Variants in CRHR1 observed in about 807,000 individuals in gnomAD.
The protein encoded by CRHR1 is corticotropin releasing hormone receptor 1.
CRHR1 carries 28 observed loss-of-function variants against 56.0 expected under a neutral mutation model. The ratio of observed to expected loss-of-function variants is 0.50; its 90% confidence interval spans 0.37 to 0.69. The LOEUF is 0.69. Among genes scored for constraint, CRHR1 ranks in the 30% least tolerant of loss-of-function variants. CRHR1 has a pLI of 0.00. For missense variants in CRHR1, 376 were observed against 548.0 expected, an observed-to-expected ratio of 0.69 and a Z score of 3.13; for synonymous variants, 195 against 216.5, an observed-to-expected ratio of 0.90 and a Z score of 0.87.
At chr17:45,788,182 C>T (rs995410584) in intron 1 of CRHR1, among the ~76,000 whole-genome samples, 2 of 152,182 alleles carry the variant, frequency 1.3e-5, no homozygotes, top group Non-Finnish European at 1.5e-5. Context: ...AGTTAGGTGC[C>T]GGGCTGATAA....
intron 3 of CRHR1, among the ~76,000 whole-genome samples, chr17:45,817,297 C>T (rs969379177): frequency 2.0e-5 from 3 of 152,236 alleles, no homozygotes; most frequent in African/African-American, 7.2e-5. Flanking sequence ...ATCAAGAGAG[C>T]AACAGCTGTG....
At chr17:45,833,085 C>T in intron 8 of CRHR1, 53 bp from the exon 9 acceptor site, 1 of 1,490,354 alleles carries the variant, frequency 6.7e-7, no homozygotes, top group Non-Finnish European at 9.4e-7. Context: ...CTCCCCATGC[C>T]ATCGAGGTGG....
chr17:45,804,939 C>T (rs968862573), intron 1 of CRHR1, among the ~76,000 whole-genome samples: 21 of 151,950 alleles, frequency 1.4e-4, no homozygotes, highest in African/African-American at 5.1e-4. Flanking sequence ...CTCAGCCTCC[C>T]GAATAGCTGG....
intron 4 of CRHR1, chr17:45,827,162 T>C (rs62057153): frequency 0.14 from 21,839 of 152,362 alleles, 2,142 homozygotes; most frequent in Middle Eastern, 0.22. Flanking sequence ...AAAGCAGTAG[T>C]GTCTGCAGAG....
At chr17:45,808,190 G>A (rs1014688248) in intron 2 of CRHR1, among the ~76,000 whole-genome samples, 3 of 152,234 alleles carry the variant, frequency 2.0e-5, no homozygotes, top group Admixed American at 6.5e-5. Context: ...ATGCATGTGC[G>A]ATGAGGCAGA....
At chr17:45,829,710 G>A in intron 5 of CRHR1, 2 of 1,465,056 alleles carry the variant, frequency 1.4e-6, no homozygotes, top group Non-Finnish European at 1.9e-6. Context: ...GGGGATGGTT[G>A]GGATCAGGAG....
intron 10 of CRHR1, 21 bp from the exon 11 acceptor site, chr17:45,833,693 T>TGGGGGGGGGGGCC: frequency 1.7e-5 from 27 of 1,571,580 alleles, no homozygotes; most frequent in Non-Finnish European, 2.3e-5. Flanking sequence ...ACTCCGAGCC[T>TGGGGGGGGGGGCC]CCCCACCCGC....
chr17:45,794,098 G>C (rs1487704515), intron 1 of CRHR1, among the ~76,000 whole-genome samples: 1 of 152,210 alleles, frequency 6.6e-6, no homozygotes, highest in Non-Finnish European at 1.5e-5. Flanking sequence ...CAAACCAGCT[G>C]TGGGGAAGGA....
At chr17:45,812,502 G>A (rs1372721876) in intron 2 of CRHR1, among the ~76,000 whole-genome samples, 1 of 152,222 alleles carries the variant, frequency 6.6e-6, no homozygotes, top group African/African-American at 2.4e-5. Context: ...TGCCAGGAGA[G>A]CAGAAGAGGT....
intron 2 of CRHR1, among the ~76,000 whole-genome samples, chr17:45,810,278 C>CT (rs1290620432): frequency 6.6e-6 from 1 of 152,076 alleles, no homozygotes; most frequent in Non-Finnish European, 1.5e-5. Flanking sequence ...GAGCGAGACT[C>CT]TGTCTCAAAT....
intron 1 of CRHR1, among the ~76,000 whole-genome samples, chr17:45,795,574 G>T (rs1216441446): frequency 6.6e-6 from 1 of 152,142 alleles, no homozygotes; most frequent in Non-Finnish European, 1.5e-5. Context: ...AACGTCCCCC[G>T]GGAGGCAAAA....
In CRHR1 at chr17:45,834,928, G is replaced by A. The variant is rs28364026; in HGVS notation, c.*164G>A. 53,996 of 930,714 alleles carry A rather than the reference G, an allele frequency of 0.058. 2,514 individuals are homozygous for A. The highest frequency in any genetic ancestry group is 0.22 in the East Asian group (8,384 of 37,742). 57.7% of individuals were successfully genotyped at this position (930,714 alleles called of 1,614,324 possible). A position where few individuals can be genotyped will look rare whatever the true frequency, so the allele number is the denominator to read the frequency against. ...GGGGGGCCGCTCTCCCCCTGCAGCC[G>A]TGCAGGACTCTAGCTCATGAGTGGA... On this transcript the variant is annotated 3_prime_UTR_variant, in exon 13 of 13. Coordinates refer to ENST00000314537, the MANE Select transcript of CRHR1 (RefSeq NM_004382.5).
rs184038480 is a variant in CRHR1, at chr17:45,788,878, C to T, written c.33+4301C>T. 8.8e-4 allele frequency among the ~76,000 whole-genome samples: 134 copies of T among 152,238 alleles called. 1 individual carries two copies. The highest frequency in any genetic ancestry group is 2.9e-3 in the African/African-American group (122 of 41,536). ...TTGGTATTGTACAATTGGAAAGAAC[C>T]CGTTTCTGTTCCCACCAGATGCAGA... On this transcript the variant is annotated intron_variant, in intron 1 of 12. Coordinates refer to ENST00000314537, the MANE Select transcript of CRHR1 (RefSeq NM_004382.5).
chr17:45,830,790 C>T, intron 7 of CRHR1, 90 bp from the exon 8 acceptor site: 1 of 1,374,970 alleles, frequency 7.3e-7, no homozygotes, highest in Non-Finnish European at 1.0e-6. Context: ...TAACCCCAGA[C>T]CCCCTGGAGC....
chr17:45,790,086 CT>C (rs1375418483), intron 1 of CRHR1, among the ~76,000 whole-genome samples: 1 of 152,180 alleles, frequency 6.6e-6, no homozygotes, highest in African/African-American at 2.4e-5. Context: ...TATAGAATCT[CT>C]TCCTGCGTCA....
intron 4 of CRHR1, chr17:45,825,942 C>T (rs1439629910): frequency 2.6e-5 from 4 of 152,446 alleles, no homozygotes; most frequent in Admixed American, 1.3e-4. Flanking sequence ...GAGGTGGTGT[C>T]CTGCAGAGAG....
At chr17:45,829,593 A>T in intron 5 of CRHR1, 1 of 1,550,924 alleles carries the variant, frequency 6.4e-7, no homozygotes, top group Non-Finnish European at 8.7e-7. Context: ...GACCAGGCAG[A>T]TGGAGCCCTG....
chr17:45,829,637 C>G (rs996742240), intron 5 of CRHR1: 1 of 1,550,990 alleles, frequency 6.4e-7, no homozygotes, highest in Non-Finnish European at 8.7e-7. Flanking sequence ...TGCCCCATTT[C>G]AGGTTCGAAG....
At chr17:45,818,144 C>A (rs979708206) in intron 3 of CRHR1, among the ~76,000 whole-genome samples, 2 of 152,152 alleles carry the variant, frequency 1.3e-5, no homozygotes, top group Admixed American at 6.5e-5. Flanking sequence ...GGCCTACCTG[C>A]CCCCACTCCC....
Sources: allele counts gnomAD v4.1 joint callset (sites outside exome capture counted in the v4.1 genomes callset), GRCh38; gene constraint gnomAD v4.1.1; transcripts MANE v1.5; gene names NCBI Gene and HGNC (gene_info 2026-07-23, HGNC 2026-07-21).